TAFA2: variants seen among roughly 807,000 people sequenced by gnomAD.
TAFA2 encodes TAFA chemokine like family member 2, also known as chemokine-like protein TAFA-2.
In TAFA2, 7 loss-of-function variants were observed where a neutral mutation model predicts 18.8. The ratio of observed to expected loss-of-function variants is 0.37; its 90% CI spans 0.21 to 0.70. The LOEUF is 0.70. TAFA2 is among the 30% of genes least tolerant of loss of function. The pLI is 0.53. For synonymous variants in TAFA2, 60 were observed against 54.2 expected, an observed-to-expected ratio of 1.11 and a Z score of -0.47; for missense variants, 122 against 158.1, an observed-to-expected ratio of 0.77 and a Z score of 1.23.
At chr12:62,057,361 G>A (rs1882214379) in intron 1 of TAFA2, among the ~76,000 whole-genome samples, 2 of 151,780 alleles carry the variant, frequency 1.3e-5, no homozygotes, top group South Asian at 4.2e-4. Context: ...TTCTTCTTCT[G>A]ATCCATCTCA....
chr12:62,244,163 GA>G (rs900659530), intron 1 of TAFA2, among the ~76,000 whole-genome samples: 3 of 133,438 alleles, frequency 2.2e-5, no homozygotes, highest in African/African-American at 5.6e-5. Context: ...AAACTAAAAA[GA>G]AAAAAAAATC....
At chr12:61,880,746 G>C in intron 1 of TAFA2, 1 of 379,424 alleles carries the variant, frequency 2.6e-6, no homozygotes, top group Non-Finnish European at 5.2e-6. Flanking sequence ...GCTTGTGTCT[G>C]AGTCCTCTGA....
At chr12:61,790,696 A>C (rs1290048483) in intron 2 of TAFA2, among the ~76,000 whole-genome samples, 2 of 151,824 alleles carry the variant, frequency 1.3e-5, no homozygotes, top group Non-Finnish European at 1.5e-5. Flanking sequence ...TATAAAATGC[A>C]GATGAAAGCA....
intron 1 of TAFA2, among the ~76,000 whole-genome samples, chr12:61,964,961 A>G (rs1021853354): frequency 1.3e-5 from 2 of 151,928 alleles, no homozygotes; most frequent in African/African-American, 2.4e-5. Flanking sequence ...ATTGGAAAGT[A>G]ATCTATGCCT....
At chr12:61,754,401 A>G (rs1869166252) in intron 3 of TAFA2, among the ~76,000 whole-genome samples, 4 of 152,016 alleles carry the variant, frequency 2.6e-5, no homozygotes, top group Admixed American at 2.6e-4. Flanking sequence ...AAATTAATAT[A>G]TTATTGCATC....
intron 2 of TAFA2, among the ~76,000 whole-genome samples, chr12:61,813,767 G>A (rs1871968105): frequency 6.6e-6 from 1 of 151,446 alleles, no homozygotes; most frequent in Non-Finnish European, 1.5e-5. Context: ...CTTACTAGCT[G>A]TGACTCTGAG....
chr12:61,719,989 G>A (rs1009929395), intron 4 of TAFA2, among the ~76,000 whole-genome samples: 1 of 151,774 alleles, frequency 6.6e-6, no homozygotes, highest in Non-Finnish European at 1.5e-5. Context: ...ATTTTCTGAA[G>A]GATAGGGCAA....
chr12:62,156,855 T>G (rs1230453145), intron 1 of TAFA2, among the ~76,000 whole-genome samples: 11 of 152,120 alleles, frequency 7.2e-5, no homozygotes, highest in Non-Finnish European at 1.5e-5. Context: ...CTCATGTAAC[T>G]AAATACCGCC....
intron 4 of TAFA2, among the ~76,000 whole-genome samples, chr12:61,736,282 T>C (rs1868303035): frequency 6.6e-6 from 1 of 152,064 alleles, no homozygotes; most frequent in Non-Finnish European, 1.5e-5. Context: ...TTCACTTTCT[T>C]GTTGGCTTTC....
intron 1 of TAFA2, among the ~76,000 whole-genome samples, chr12:61,907,920 A>G (rs1450323787): frequency 6.6e-6 from 1 of 152,148 alleles, no homozygotes; most frequent in Non-Finnish European, 1.5e-5. Context: ...TGAGGCCTGC[A>G]GGCCCTTTGT....
chr12:62,103,344 A>C (rs1170054897), intron 1 of TAFA2, among the ~76,000 whole-genome samples: 2 of 152,140 alleles, frequency 1.3e-5, no homozygotes, highest in African/African-American at 4.8e-5. Context: ...AAAATCACAC[A>C]CTTACCCCAT....
At chr12:61,959,399 G>A (rs1292576027) in intron 1 of TAFA2, among the ~76,000 whole-genome samples, 1 of 151,824 alleles carries the variant, frequency 6.6e-6, no homozygotes, top group African/African-American at 2.4e-5. Flanking sequence ...TTTAAATTTA[G>A]TTCTAAGAAT....
At chr12:62,003,320 G>T (rs1052744886) in intron 1 of TAFA2, among the ~76,000 whole-genome samples, 3 of 152,032 alleles carry the variant, frequency 2.0e-5, no homozygotes, top group African/African-American at 7.2e-5. Flanking sequence ...CCTTATGTCT[G>T]ATTTCCCCTC....
chr12:61,991,679 A>G (rs1880016744), intron 1 of TAFA2, among the ~76,000 whole-genome samples: 1 of 151,984 alleles, frequency 6.6e-6, no homozygotes, highest in African/African-American at 2.4e-5. Flanking sequence ...TATTTTGTTC[A>G]CTTTTACAGC....
At chr12:61,858,191 C>T (rs1460325856) in intron 2 of TAFA2, among the ~76,000 whole-genome samples, 1 of 152,184 alleles carries the variant, frequency 6.6e-6, no homozygotes, top group Non-Finnish European at 1.5e-5. Context: ...TGCTCTTCCA[C>T]CTGTAGGGGC....
At chr12:62,009,060 C>A (rs948988870) in intron 1 of TAFA2, among the ~76,000 whole-genome samples, 2 of 152,060 alleles carry the variant, frequency 1.3e-5, no homozygotes, top group South Asian at 2.1e-4. Context: ...AATCTTTTAG[C>A]CCATGTAAGT....
rs190725782 is a variant in TAFA2 at position 62,234,154 on chromosome 12, C to T, written c.-130+24609G>A. On this transcript the variant is annotated intron_variant, in intron 1 of 5. Transcript: ENST00000551619. Reference sequence around the variant, plus strand: ...CCAAGAAATGGGAGGTGCAGCTAGCCGCCATGAGTCCTTTGGATCTGACTG... The same window carrying T: ...CCAAGAAATGGGAGGTGCAGCTAGCTGCCATGAGTCCTTTGGATCTGACTG... 3.2e-4 allele frequency among the ~76,000 whole-genome samples: 48 copies of T among 152,266 alleles called. No individual in the cohort carries two copies. In the East Asian group the frequency reaches 8.7e-3, roughly 28 times the overall value.
chr12:62,231,111 G>C (rs1030254180), intron 1 of TAFA2, among the ~76,000 whole-genome samples: 6 of 152,130 alleles, frequency 3.9e-5, no homozygotes, highest in African/African-American at 1.4e-4. Flanking sequence ...TTTTGGTCTG[G>C]ATGATCTATT....
chr12:61,867,360 G>C lies in TAFA2; in HGVS notation c.66C>G (p.Thr22=). ...CACTGGATACAACTTTCCCCCACAA[G>C]GTTACAATAAATATTATTATTAGCA... The part of the protein sequence containing the change: ...GKLLIIIFIV[T]LWGKVVSSAN... The change falls in exon 2 of 5, where the codon ACC becomes ACG. Residue 22 remains threonine, a synonymous_variant. Coordinates refer to ENST00000416284, the MANE Select transcript of TAFA2 (RefSeq NM_178539.5). 6.2e-7 allele frequency: 1 copy of C among 1,608,348 alleles called. No homozygotes were observed. Among genetic ancestry groups the C allele is most frequent in the Non-Finnish European group, 8.5e-7 (1 of 1,176,990 alleles).
Sources: allele counts gnomAD v4.1 joint callset (sites outside exome capture counted in the v4.1 genomes callset), GRCh38; gene constraint gnomAD v4.1.1; transcripts MANE v1.5; gene names NCBI Gene and HGNC (gene_info 2026-07-23, HGNC 2026-07-21).